UTS2B: variants seen among roughly 807,000 people sequenced by gnomAD.
The protein encoded by UTS2B is urotensin 2B.
In UTS2B, 21 loss-of-function variants were observed where a neutral mutation model predicts 19.2. That is an observed-to-expected ratio of 1.09 (90% CI 0.78 to 1.58). The LOEUF (loss-of-function observed/expected upper bound fraction) is 1.58. Among genes scored for constraint, UTS2B ranks in the 40% most tolerant of loss-of-function variants. The probability of loss-of-function intolerance (pLI) is 0.00; values close to 1 mark genes in which losing one functional copy is unlikely to be tolerated. For synonymous variants in UTS2B, 57 were observed against 50.2 expected (o/e 1.14, Z -0.58); for missense variants, 138 against 130.3 (o/e 1.06, Z -0.29).
chr3:191,306,074 G>A (rs150227601), intron 3 of UTS2B, among the ~76,000 whole-genome samples: 2 of 152,270 alleles, frequency 1.3e-5, no homozygotes, highest in South Asian at 2.1e-4. Flanking sequence ...CTGTTGCCCT[G>A]TGGTACAGTT....
chr3:191,295,146 T>C (rs1283244722), intron 4 of UTS2B, among the ~76,000 whole-genome samples: 1 of 152,018 alleles, frequency 6.6e-6, no homozygotes. Context: ...GTCTAGTCTT[T>C]CCATCCCATT....
intron 1 of UTS2B, among the ~76,000 whole-genome samples, 195 bp downstream of exon 1, chr3:191,330,219 C>T (rs1717922513): frequency 6.6e-6 from 1 of 152,080 alleles, no homozygotes; most frequent in African/African-American, 2.4e-5. Context: ...TTCCCACCTT[C>T]CTCAAGGTTT....
chr3:191,331,378 T>G (rs1717978355), upstream of UTS2B, among the ~76,000 whole-genome samples: 1 of 152,224 alleles, frequency 6.6e-6, no homozygotes, highest in Admixed American at 6.5e-5. Context: ...AATGATGTAT[T>G]CTAACATATT....
the UTS2B span, among the ~76,000 whole-genome samples, chr3:191,341,904 C>G: frequency 6.6e-6 from 1 of 152,092 alleles, no homozygotes; most frequent in African/African-American, 2.4e-5. Context: ...TAGATTGTTT[C>G]TAGGGGAAGA....
intron 2 of UTS2B, among the ~76,000 whole-genome samples, chr3:191,327,692 C>T (rs534141113): frequency 4.3e-4 from 65 of 152,202 alleles, no homozygotes; most frequent in African/African-American, 1.5e-3. Context: ...AACAGGAAGC[C>T]ACAGGTCAAA....
Position 191,282,069 on chromosome 3 carries a change from T to A in UTS2B, c.103+18A>T. 2 of 1,551,620 alleles carry A rather than the reference T, an allele frequency of 1.3e-6. No homozygotes were observed. The highest frequency in any genetic ancestry group is 4.5e-5 in the East Asian group (2 of 44,460). On this transcript the variant is annotated intron_variant, in intron 5 of 8. Coordinates refer to ENST00000340524, the MANE Select transcript of UTS2B (RefSeq NM_198152.5). The stretch of plus-strand genomic sequence containing the variant: ...ATTACTTACCCACCTGTAGGATTTT[T>A]AATTGATATGCACGTACCTTGGGTA...
chr3:191,328,786 C>T (rs1331268328), intron 1 of UTS2B, 77 bp from the exon 2 acceptor site: 1 of 152,218 alleles, frequency 6.6e-6, no homozygotes, highest in Non-Finnish European at 1.5e-5. Context: ...TCTGACGCCT[C>T]GTTATCACCC....
chr3:191,308,285 G>A (rs543912702), intron 3 of UTS2B, among the ~76,000 whole-genome samples: 84 of 152,174 alleles, frequency 5.5e-4, no homozygotes, highest in Non-Finnish European at 8.1e-4. Flanking sequence ...ACATGAATAC[G>A]TCCTAAGTGG....
intron 5 of UTS2B, among the ~76,000 whole-genome samples, chr3:191,281,393 T>C (rs934451504): frequency 2.0e-5 from 3 of 152,056 alleles, no homozygotes; most frequent in African/African-American, 7.2e-5. Context: ...GCTCTCAGGA[T>C]TCTCAGTTTA....
At position 191,273,448 on chromosome 3, in the gene UTS2B, A is replaced by G. The variant is rs114002697; in HGVS notation, c.334+1804T>C. 9.0e-4 allele frequency: 413 copies of G among 456,592 alleles called. 3 individuals are homozygous for G. Among genetic ancestry groups the G allele is most frequent in the African/African-American group, 8.1e-3 (405 of 50,202 alleles). The allele number at this position is 456,592 out of a possible 1,614,324, so 28.3% of individuals were successfully genotyped here. ...ATCCCGGCCAATGGACTTCAGTAGA[A>G]ATGATGTGTGTCCCTTCCGAACTGA... On this transcript the variant is annotated intron_variant, in intron 8 of 8. Coordinates refer to ENST00000340524, the MANE Select transcript of UTS2B (RefSeq NM_198152.5).
chr3:191,313,549 T>C (rs948200212), intron 3 of UTS2B, among the ~76,000 whole-genome samples: 1 of 152,198 alleles, frequency 6.6e-6, no homozygotes, highest in Non-Finnish European at 1.5e-5. Context: ...ACAGTTATGC[T>C]TTGATGTACT....
chr3:191,333,365 G>A (rs950343869), upstream of UTS2B, among the ~76,000 whole-genome samples: 5 of 152,102 alleles, frequency 3.3e-5, no homozygotes, highest in Non-Finnish European at 5.9e-5. Flanking sequence ...ACCTTCAAGG[G>A]GGAAAGATAT....
upstream of UTS2B, chr3:191,330,651 G>C (rs1230982576): frequency 6.6e-6 from 1 of 152,176 alleles, no homozygotes; most frequent in Non-Finnish European, 1.5e-5. Flanking sequence ...CATTTGTATC[G>C]ATTGAATACT....
intron 1 of UTS2B, chr3:191,329,258 C>T (rs1424961895): frequency 1.1e-5 from 2 of 180,946 alleles, no homozygotes; most frequent in Non-Finnish European, 2.3e-5. Flanking sequence ...GAGACAACAG[C>T]GAGGCGGCAG....
At chr3:191,338,505 A>T in the UTS2B span, among the ~76,000 whole-genome samples, 11 of 152,310 alleles carry the variant, frequency 7.2e-5, no homozygotes, top group South Asian at 1.7e-3. Context: ...CAATGTCTGC[A>T]TTTATAGATC....
chr3:191,317,995 A>T (rs1253727146), intron 2 of UTS2B, among the ~76,000 whole-genome samples: 1 of 152,142 alleles, frequency 6.6e-6, no homozygotes, highest in African/African-American at 2.4e-5. Context: ...TGTCACTTCT[A>T]CTGCATTTTA....
At chr3:191,332,286 CT>C (rs1236434445), upstream of UTS2B, among the ~76,000 whole-genome samples, 5 of 152,218 alleles carry the variant, frequency 3.3e-5, no homozygotes, top group Admixed American at 3.3e-4. Flanking sequence ...TTGGACAGAC[CT>C]TTTGAAAAAA....
chr3:191,291,487 C>T (rs1377179272), intron 4 of UTS2B, among the ~76,000 whole-genome samples: 1 of 151,880 alleles, frequency 6.6e-6, no homozygotes, highest in East Asian at 1.9e-4. Flanking sequence ...GAGTCTCACT[C>T]TGTCACCCAG....
At chr3:191,339,519 T>C in the UTS2B span, among the ~76,000 whole-genome samples, 10 of 152,208 alleles carry the variant, frequency 6.6e-5, no homozygotes, top group Admixed American at 5.2e-4. Context: ...GGGTATTACA[T>C]GATAACCAAG....
Sources: gnomAD v4.1 joint callset for allele counts (sites outside exome capture counted in the v4.1 genomes callset) on GRCh38, gnomAD v4.1.1 for gene constraint, MANE v1.5 for transcripts, NCBI Gene and HGNC (gene_info 2026-07-23, HGNC 2026-07-21) for gene names.